Variants in PCYT1B observed in about 807,000 individuals in gnomAD.
PCYT1B encodes choline-phosphate cytidylyltransferase B.
Under a neutral mutation model 26.4 loss-of-function variants are expected in PCYT1B, and 10 were observed. The ratio of observed to expected loss-of-function variants is 0.38; its 90% CI spans 0.23 to 0.64. The LOEUF (loss-of-function observed/expected upper bound fraction) is 0.64. Ranked by LOEUF, PCYT1B falls within the 30% of genes least tolerant of loss-of-function variation. The pLI is 0.56. For missense variants in PCYT1B, 161 were observed against 292.7 expected (o/e 0.55, Z 3.28); for synonymous variants, 131 against 108.4 (o/e 1.21, Z -1.29).
intron 6 of PCYT1B, among the ~76,000 whole-genome samples, chrX:24,577,592 AG>A (rs1223924970): frequency 1.1e-4 from 12 of 112,014 alleles, no homozygotes; most frequent in African/African-American, 3.9e-4. Flanking sequence ...ATGAAGTTAC[AG>A]AGCCTAGACT....
intron 1 of PCYT1B, among the ~76,000 whole-genome samples, chrX:24,671,666 A>C (rs900857043): frequency 9.0e-6 from 1 of 111,207 alleles, no homozygotes; most frequent in Non-Finnish European, 1.9e-5. Context: ...AGGGTAGTGG[A>C]GTGAAACCAG....
intron 1 of PCYT1B, among the ~76,000 whole-genome samples, chrX:24,635,882 A>G (rs1457075783): frequency 9.0e-6 from 1 of 111,401 alleles, no homozygotes; most frequent in Non-Finnish European, 1.9e-5. Context: ...TGGGTCAGCT[A>G]TTTTCTAGAA....
chrX:24,637,596 G>A (rs753312442), intron 1 of PCYT1B, among the ~76,000 whole-genome samples: 2 of 101,487 alleles, frequency 2.0e-5, no homozygotes, highest in South Asian at 4.8e-4. Flanking sequence ...CCTGGGAGGC[G>A]GAGGTTGCAG....
rs1407512504 is a variant in PCYT1B at position 24,622,671 on chromosome X, C to T, written c.118-3587G>A. Among the ~76,000 whole-genome samples, 3 of 112,323 alleles carry T rather than the reference C, an allele frequency of 2.7e-5. No homozygotes were observed. The East Asian group carries it at 8.3e-4, about 31-fold the overall frequency. ...AATGTATTTGCTCATTTAATTTGTA[C>T]AACACCTCTGTGAGGTAGATATTAT... On this transcript the variant is annotated intron_variant, in intron 1 of 7. Transcript: ENST00000379144.
chrX:24,563,187 G>T (rs972410119), intron 7 of PCYT1B, among the ~76,000 whole-genome samples: 1 of 111,887 alleles, frequency 8.9e-6, no homozygotes, highest in East Asian at 2.8e-4. Flanking sequence ...GATATGAGGA[G>T]GAATCACACA....
At chrX:24,570,515 A>G (rs1923791780) in intron 7 of PCYT1B, among the ~76,000 whole-genome samples, 2 of 110,345 alleles carry the variant, frequency 1.8e-5, no homozygotes, top group Non-Finnish European at 1.9e-5. Flanking sequence ...CGGCCTCCCA[A>G]AGTACTGGGA....
intron 4 of PCYT1B, among the ~76,000 whole-genome samples, 154 bp downstream of exon 4, chrX:24,589,869 G>A (rs914205678): frequency 1.8e-5 from 2 of 111,284 alleles, no homozygotes; most frequent in African/African-American, 3.3e-5. Context: ...GGGCTTGGGC[G>A]GACGAAAGGT....
At chrX:24,667,154 G>C (rs1259515753) in intron 1 of PCYT1B, among the ~76,000 whole-genome samples, 3 of 110,476 alleles carry the variant, frequency 2.7e-5, no homozygotes, top group East Asian at 5.7e-4. Context: ...ATCAAGCGGA[G>C]AGCCAGATTC....
chrX:24,624,617 G>A lies in PCYT1B; in HGVS notation c.118-5533C>T, dbSNP rs145374654. On this transcript the variant is annotated intron_variant, in intron 1 of 7. Coordinates refer to ENST00000379144, the MANE Select transcript of PCYT1B (RefSeq NM_004845.5). ...TCCTGCTTCCAGTTGGTTGGGAAGC[G>A]TGCAAAACAGTGGAGGTCAGGACAA... Among the ~76,000 whole-genome samples, 11 of 111,936 alleles carry A rather than the reference G, an allele frequency of 9.8e-5. No homozygotes were observed. The East Asian group carries it at 2.0e-3, about 20-fold the overall frequency.
At chrX:24,577,630 A>G (rs6526393) in intron 6 of PCYT1B, among the ~76,000 whole-genome samples, 3,230 of 111,942 alleles carry the variant, frequency 0.029, 62 homozygotes, top group African/African-American at 0.064. Flanking sequence ...TTGTGAGGAC[A>G]ACTCATGATC....
At chrX:24,589,787 G>A (rs970859351) in intron 4 of PCYT1B, among the ~76,000 whole-genome samples, 2 of 111,607 alleles carry the variant, frequency 1.8e-5, no homozygotes, top group Admixed American at 9.6e-5. Flanking sequence ...GGAAGAGATA[G>A]AGGCAGGATT....
At chrX:24,608,759 T>C (rs1925218072) in intron 2 of PCYT1B, among the ~76,000 whole-genome samples, 2 of 111,348 alleles carry the variant, frequency 1.8e-5, no homozygotes, top group South Asian at 7.6e-4. Flanking sequence ...CAAAGACCCA[T>C]CCCCTTCAAG....
In PCYT1B at chrX:24,559,975, T is replaced by C. The variant is rs978627466; in HGVS notation, c.*2318A>G. ...GTGTGGTTTGGGCTCATCCCTGGAA[T>C]AGGCATTAGTTATTTCCCATAATTG... On this transcript the variant is annotated 3_prime_UTR_variant, in exon 8 of 8. Coordinates refer to ENST00000379144, the MANE Select transcript of PCYT1B (RefSeq NM_004845.5). 4 of 112,187 alleles carry C rather than the reference T, an allele frequency of 3.6e-5. No individual in the cohort carries two copies. Among genetic ancestry groups the C allele is most frequent in the Non-Finnish European group, 7.5e-5 (4 of 53,252 alleles). The allele number at this position is 112,187 out of a possible 1,213,427, so 9.2% of individuals were successfully genotyped here. A position where few individuals can be genotyped will look rare whatever the true frequency, so the allele number is the denominator to read the frequency against.
intron 7 of PCYT1B, among the ~76,000 whole-genome samples, chrX:24,566,332 T>A (rs1923628895): frequency 8.9e-6 from 1 of 112,236 alleles, no homozygotes; most frequent in South Asian, 3.7e-4. Flanking sequence ...AATAAGCAGA[T>A]GAGGAGAATC....
chrX:24,626,244 G>C (rs1453525077), intron 1 of PCYT1B, among the ~76,000 whole-genome samples: 2 of 112,403 alleles, frequency 1.8e-5, no homozygotes, highest in Admixed American at 9.4e-5. Flanking sequence ...AAAGTAGTTT[G>C]TCATTCACAT....
At chrX:24,577,307 C>T (rs1268059419) in intron 6 of PCYT1B, among the ~76,000 whole-genome samples, 13 of 111,922 alleles carry the variant, frequency 1.2e-4, no homozygotes, top group African/African-American at 4.2e-4. Flanking sequence ...TGAGTGCATC[C>T]GAACTGCCTG....
Position 24,561,942 on chromosome X carries a change from C to T in PCYT1B, c.*351G>A. 1.8e-6 allele frequency: 1 copy of T among 551,381 alleles called. No individual in the cohort carries two copies. The highest frequency in any genetic ancestry group is 3.0e-6 in the Non-Finnish European group (1 of 328,098). The allele number at this position is 551,381 out of a possible 1,213,427, so 45.4% of individuals were successfully genotyped here. On this transcript the variant is annotated 3_prime_UTR_variant, in exon 8 of 8. Transcript: ENST00000379144. Reference sequence around the variant, plus strand: ...AGCAGGTTGAGGGAACAGCCGCTGCCACAGGTGGTTTACTTGGTGGGGGTG... The same window carrying T: ...AGCAGGTTGAGGGAACAGCCGCTGCTACAGGTGGTTTACTTGGTGGGGGTG...
At chrX:24,631,636 A>G (rs1335872380) in intron 1 of PCYT1B, among the ~76,000 whole-genome samples, 1 of 112,228 alleles carries the variant, frequency 8.9e-6, no homozygotes, top group Non-Finnish European at 1.9e-5. Flanking sequence ...CCACATCCCA[A>G]AGATGTACAC....
intron 1 of PCYT1B, among the ~76,000 whole-genome samples, chrX:24,655,842 T>A (rs1926892413): frequency 9.4e-6 from 1 of 106,461 alleles, no homozygotes; most frequent in African/African-American, 3.5e-5. Context: ...AGAGCTCGGC[T>A]GATTCAGGTC....
Sources: allele counts gnomAD v4.1 joint callset (sites outside exome capture counted in the v4.1 genomes callset), GRCh38; gene constraint gnomAD v4.1.1; transcripts MANE v1.5; gene names NCBI Gene and HGNC (gene_info 2026-07-23, HGNC 2026-07-21).